The following ATP13A4 variants were observed in gnomAD, a reference collection of about 807,000 sequenced individuals.
The protein encoded by ATP13A4 is probable cation-transporting ATPase 13A4.
Under a neutral mutation model 142.5 loss-of-function variants are expected in ATP13A4, and 114 were observed. The observed-to-expected ratio is 0.80, with a 90% CI of 0.69 to 0.93. The LOEUF is 0.93. ATP13A4 is among the 40% of genes least tolerant of loss of function. The pLI, the probability that ATP13A4 is intolerant of heterozygous loss-of-function variation, is 0.00. For synonymous variants in ATP13A4, 488 were observed against 514.8 expected, an observed-to-expected ratio of 0.95 and a Z score of 0.70; for missense variants, 1,392 against 1,454.0, an observed-to-expected ratio of 0.96 and a Z score of 0.69.
chr3:193,436,974 G>C (rs1179407719), intron 23 of ATP13A4, among the ~76,000 whole-genome samples: 1 of 148,422 alleles, frequency 6.7e-6, no homozygotes, highest in African/African-American at 2.6e-5. Flanking sequence ...CGTGGTGGCG[G>C]GCGCCTGTAG....
chr3:193,449,343 T>C (rs1161828307), intron 17 of ATP13A4, among the ~76,000 whole-genome samples: 4 of 152,210 alleles, frequency 2.6e-5, no homozygotes, highest in Non-Finnish European at 4.4e-5. Flanking sequence ...TGCCTAACTC[T>C]GGCTGAAATA....
At chr3:193,474,816 A>G (rs1382709468) in intron 8 of ATP13A4, among the ~76,000 whole-genome samples, 2 of 152,078 alleles carry the variant, frequency 1.3e-5, no homozygotes, top group Non-Finnish European at 2.9e-5. Context: ...TGTGCGGGTC[A>G]TGATCATGGA....
intron 1 of ATP13A4, among the ~76,000 whole-genome samples, chr3:193,584,068 G>C (rs1260085255): frequency 6.6e-6 from 1 of 152,138 alleles, no homozygotes; most frequent in Admixed American, 6.6e-5. Flanking sequence ...CTGGAGCTGC[G>C]TAGTACACAG....
At chr3:193,481,225 G>T (rs115058919) in intron 8 of ATP13A4, among the ~76,000 whole-genome samples, 1 of 152,036 alleles carries the variant, frequency 6.6e-6, no homozygotes, top group African/African-American at 2.4e-5. Context: ...CACCACGAAA[G>T]AACTTATTCA....
intron 13 of ATP13A4, among the ~76,000 whole-genome samples, chr3:193,461,133 C>T (rs1026424959): frequency 1.3e-5 from 2 of 152,096 alleles, no homozygotes; most frequent in African/African-American, 4.8e-5. Context: ...GGAAATGAAT[C>T]ATTTACCTAA....
At chr3:193,488,435 C>A (rs1024308549) in intron 7 of ATP13A4, among the ~76,000 whole-genome samples, 1 of 152,014 alleles carries the variant, frequency 6.6e-6, no homozygotes, top group Non-Finnish European at 1.5e-5. Context: ...GTTTTCCCAG[C>A]GGGAGGGAGC....
intron 2 of ATP13A4, among the ~76,000 whole-genome samples, chr3:193,507,513 G>A (rs905755915): frequency 1.3e-5 from 2 of 151,740 alleles, no homozygotes; most frequent in Admixed American, 6.6e-5. Context: ...TATTATCTCA[G>A]TATATGTTGT....
intron 1 of ATP13A4, among the ~76,000 whole-genome samples, chr3:193,527,962 T>G (rs1490986631): frequency 6.6e-6 from 1 of 152,158 alleles, no homozygotes; most frequent in East Asian, 1.9e-4. Context: ...ACATGACACA[T>G]GTGACAGCTT....
At chr3:193,527,726 C>G (rs1722091446) in intron 1 of ATP13A4, among the ~76,000 whole-genome samples, 1 of 152,124 alleles carries the variant, frequency 6.6e-6, no homozygotes, top group Admixed American at 6.5e-5. Flanking sequence ...CCAAGGCCTC[C>G]CCAGCCATGT....
intron 20 of ATP13A4, among the ~76,000 whole-genome samples, chr3:193,441,013 C>CTATA (rs770277227): frequency 1.7e-4 from 25 of 150,278 alleles, no homozygotes; most frequent in Middle Eastern, 3.4e-3. Flanking sequence ...CTCTCTCTCT[C>CTATA]TCTCTATATA....
intron 12 of ATP13A4, among the ~76,000 whole-genome samples, chr3:193,463,211 C>A (rs984190190): frequency 6.6e-5 from 10 of 151,838 alleles, no homozygotes; most frequent in African/African-American, 2.4e-4. Context: ...TCCTCCATAA[C>A]AACAACAAAA....
chr3:193,502,360 C>T, intron 3 of ATP13A4, 133 bp downstream of exon 3: 2 of 1,118,452 alleles, frequency 1.8e-6, no homozygotes, highest in South Asian at 1.3e-5. Flanking sequence ...GACTGTCTGG[C>T]TCCAAAGTTC....
At chr3:193,537,638 G>C (rs1404184002) in intron 1 of ATP13A4, among the ~76,000 whole-genome samples, 2 of 152,130 alleles carry the variant, frequency 1.3e-5, no homozygotes, top group African/African-American at 4.8e-5. Flanking sequence ...AGAGCCTGCT[G>C]AGAAGAGGAA....
intron 3 of ATP13A4, among the ~76,000 whole-genome samples, chr3:193,494,330 T>C (rs1369244326): frequency 6.6e-6 from 1 of 152,070 alleles, no homozygotes; most frequent in Non-Finnish European, 1.5e-5. Context: ...GAATATACAT[T>C]CTTCTCAACT....
intron 2 of ATP13A4, among the ~76,000 whole-genome samples, chr3:193,573,311 A>T (rs1178578390): frequency 7.3e-6 from 1 of 137,544 alleles, no homozygotes; most frequent in African/African-American, 2.8e-5. Context: ...ATATATACAT[A>T]TATATATATA....
chr3:193,545,775 T>C (rs990349536), intron 1 of ATP13A4, among the ~76,000 whole-genome samples: 6 of 152,218 alleles, frequency 3.9e-5, no homozygotes, highest in Non-Finnish European at 8.8e-5. Flanking sequence ...CCAATAGATT[T>C]ACTCCTTATT....
At chr3:193,418,726 G>A (rs1236953700) in intron 25 of ATP13A4, among the ~76,000 whole-genome samples, 1 of 150,000 alleles carries the variant, frequency 6.7e-6, no homozygotes, top group Non-Finnish European at 1.5e-5. Context: ...ACACAGCTGT[G>A]CTACCCCAGA....
intron 18 of ATP13A4, among the ~76,000 whole-genome samples, chr3:193,445,706 G>A (rs1030716769): frequency 7.2e-5 from 11 of 152,060 alleles, no homozygotes; most frequent in African/African-American, 2.4e-4. Context: ...GCACTGAGCC[G>A]AGATCAGGTC....
intron 2 of ATP13A4, among the ~76,000 whole-genome samples, chr3:193,511,933 A>AT (rs1185744580): frequency 6.6e-6 from 1 of 151,994 alleles, no homozygotes; most frequent in African/African-American, 2.4e-5. Context: ...CTCTTAGTGG[A>AT]TTTTTTTCTC....
Sources: gnomAD v4.1 joint callset for allele counts (sites outside exome capture counted in the v4.1 genomes callset) on GRCh38, gnomAD v4.1.1 for gene constraint, MANE v1.5 for transcripts, NCBI Gene and HGNC (gene_info 2026-07-23, HGNC 2026-07-21) for gene names.